Variants in ATL3 observed in about 807,000 individuals in gnomAD.
ATL3 encodes the protein atlastin-3.
ATL3 carries 49 observed loss-of-function variants against 69.5 expected under a neutral mutation model. The observed-to-expected ratio is 0.71, with a 90% CI of 0.56 to 0.89. The LOEUF is 0.89. ATL3 is among the 40% of genes least tolerant of loss of function. ATL3 has a pLI of 0.00. For missense variants in ATL3, 606 were observed against 645.7 expected (o/e 0.94, Z 0.67); for synonymous variants, 214 against 224.1 (o/e 0.95, Z 0.40).
At chr11:63,659,735 G>A (rs531442375) in intron 1 of ATL3, among the ~76,000 whole-genome samples, 1 of 152,090 alleles carries the variant, frequency 6.6e-6, no homozygotes, top group Non-Finnish European at 1.5e-5. Context: ...AGGAGTTCAA[G>A]ACCAGCCTGG....
intron 1 of ATL3, among the ~76,000 whole-genome samples, chr11:63,662,270 A>C (rs1290657624): frequency 6.6e-6 from 1 of 151,968 alleles, no homozygotes; most frequent in Non-Finnish European, 1.5e-5. Flanking sequence ...GTAGCTGTGG[A>C]CTTATGGGAA....
At position 63,638,597 on chromosome 11, in the gene ATL3, C is replaced by T. The variant is rs145964310; in HGVS notation, c.851-2263G>A. ...GCGCACTCCTGTAATCCCAGCTACTCGGGAGGATGTGGCACAAGAATCGCT... is the reference window on the plus strand; with the variant it reads ...GCGCACTCCTGTAATCCCAGCTACTTGGGAGGATGTGGCACAAGAATCGCT... On this transcript the variant is annotated intron_variant, in intron 8 of 12. Transcript: ENST00000398868. Among the ~76,000 whole-genome samples, 16 of 152,014 alleles carry T rather than the reference C, an allele frequency of 1.1e-4. No individual in the cohort carries two copies. The East Asian group carries it at 3.1e-3, about 29-fold the overall frequency.
chr11:63,638,946 T>C (rs1230039391), intron 8 of ATL3, among the ~76,000 whole-genome samples: 1 of 152,180 alleles, frequency 6.6e-6, no homozygotes, highest in Non-Finnish European at 1.5e-5. Flanking sequence ...GAAATTTAAA[T>C]GTTCTACAAA....
chr11:63,632,690 C>A, intron 11 of ATL3: 1 of 1,261,578 alleles, frequency 7.9e-7, no homozygotes, highest in Non-Finnish European at 1.2e-6. Flanking sequence ...TTTTATGTGC[C>A]AGCCTTAATG....
chr11:63,630,068 A>T (rs1328459759), intron 12 of ATL3, among the ~76,000 whole-genome samples: 1 of 152,010 alleles, frequency 6.6e-6, no homozygotes, highest in Non-Finnish European at 1.5e-5. Context: ...ATTAATCTAG[A>T]GGGGGTGAGA....
chr11:63,634,185 TA>T (rs146288332), intron 10 of ATL3, among the ~76,000 whole-genome samples: 14,591 of 113,540 alleles, frequency 0.13, 899 homozygotes, highest in Middle Eastern at 0.22. Context: ...TGTTTCTATT[TA>T]AAAAAAAAAA....
Position 63,629,149 on chromosome 11 carries a change from T to C in ATL3, c.*170A>G, listed in dbSNP as rs1371860183. 1.7e-6 allele frequency: 1 copy of C among 588,922 alleles called. No individual in the cohort carries two copies. The allele number at this position is 588,922 out of a possible 1,614,324, so 36.5% of individuals were successfully genotyped here. ...CCAAGAGAAATGGAAGTGTGTTTAA[T>C]AATTTGAAACCACAGGAGAGGTCTG... On this transcript the variant is annotated 3_prime_UTR_variant, in exon 13 of 13. Transcript: ENST00000398868.
chr11:63,655,996 G>A (rs370409846), intron 3 of ATL3, among the ~76,000 whole-genome samples: 4 of 151,598 alleles, frequency 2.6e-5, no homozygotes, highest in East Asian at 4.0e-4. Flanking sequence ...AGGCCAAGGC[G>A]GGCAGATCAC....
intron 10 of ATL3, 29 bp from the exon 11 acceptor site, chr11:63,633,126 AAT>A (rs1939381857): frequency 3.8e-6 from 6 of 1,584,728 alleles, no homozygotes; most frequent in Non-Finnish European, 5.2e-6. Flanking sequence ...GTGAACTGTA[AAT>A]CCTTCCTCTT....
Position 63,643,439 on chromosome 11 carries a change from A to C in ATL3, c.768T>G (p.Cys256Trp). The change falls in exon 8 of 13, where the codon TGT becomes TGG. Residue 256 changes from cysteine to tryptophan, a missense_variant. Coordinates refer to ENST00000398868, the MANE Select transcript of ATL3 (RefSeq NM_015459.5). ...IQNVRNHIHS[C>W]FSDVTCFLLP... Reference sequence around the variant, plus strand: ...AGAGAAAGCAGGTGACATCGGAGAAACATGAGTGAATGTGATTTCGAACAT... The same window carrying C: ...AGAGAAAGCAGGTGACATCGGAGAACCATGAGTGAATGTGATTTCGAACAT... 1 of 1,612,912 alleles carries C rather than the reference A, an allele frequency of 6.2e-7. No individual in the cohort carries two copies. Among genetic ancestry groups the C allele is most frequent in the Non-Finnish European group, 8.5e-7 (1 of 1,179,436 alleles).
At chr11:63,647,817 A>T (rs1939933985) in intron 5 of ATL3, among the ~76,000 whole-genome samples, 1 of 152,258 alleles carries the variant, frequency 6.6e-6, no homozygotes, top group African/African-American at 2.4e-5. Context: ...AGCCCTGTCA[A>T]AAACATTCTG....
At chr11:63,661,812 C>T (rs979825903) in intron 1 of ATL3, among the ~76,000 whole-genome samples, 3 of 151,666 alleles carry the variant, frequency 2.0e-5, no homozygotes, top group Non-Finnish European at 2.9e-5. Context: ...TCGCTTGAAC[C>T]CAGTAGGTGG....
chr11:63,632,225 C>T, intron 11 of ATL3: 1 of 676,656 alleles, frequency 1.5e-6, no homozygotes, highest in Admixed American at 2.0e-5. Flanking sequence ...TAGAACTATG[C>T]TTCGTGGTGC....
In ATL3 at chr11:63,659,269, A is replaced by G; in HGVS notation, c.47-17T>C. 6.2e-7 allele frequency: 1 copy of G among 1,600,458 alleles called. No individual in the cohort carries two copies. The highest frequency in any genetic ancestry group is 8.5e-7 in the Non-Finnish European group (1 of 1,169,780). Reference sequence around the variant, plus strand: ...TGGCATCATCTATGTTCATGCAGAGAAAAAAAATCAGTGTCAAATATTTAA... The same window carrying G: ...TGGCATCATCTATGTTCATGCAGAGGAAAAAAATCAGTGTCAAATATTTAA... On this transcript the variant is annotated splice_polypyrimidine_tract_variant and intron_variant, in intron 1 of 12. Transcript: ENST00000398868.
intron 1 of ATL3, among the ~76,000 whole-genome samples, chr11:63,664,741 G>A (rs1329595799): frequency 1.3e-5 from 2 of 150,846 alleles, no homozygotes; most frequent in African/African-American, 4.9e-5. Flanking sequence ...CCGAGCAGCT[G>A]GGACCACAGG....
chr11:63,647,296 C>T (rs1255659622), intron 5 of ATL3, among the ~76,000 whole-genome samples: 2 of 152,154 alleles, frequency 1.3e-5, no homozygotes, highest in Admixed American at 6.5e-5. Context: ...CGGGTTCAAG[C>T]GATTCTCCTG....
chr11:63,670,559 T>G, intron 1 of ATL3: 1 of 152,258 alleles, frequency 6.6e-6, no homozygotes, highest in Non-Finnish European at 1.5e-5. Flanking sequence ...GATCCGTGAA[T>G]ACACGGTGAC....
At chr11:63,652,029 C>T (rs756300796) in intron 4 of ATL3, 43 bp from the exon 5 acceptor site, 10 of 1,574,392 alleles carry the variant, frequency 6.4e-6, no homozygotes, top group Middle Eastern at 1.8e-4. Context: ...TGGCTTACTT[C>T]AAACAAATCC....
intron 5 of ATL3, among the ~76,000 whole-genome samples, chr11:63,648,238 C>T (rs1457819020): frequency 1.3e-5 from 2 of 152,198 alleles, no homozygotes; most frequent in African/African-American, 2.4e-5. Flanking sequence ...AGTGGGACTC[C>T]TTAGCCCTCT....
Sources: allele counts gnomAD v4.1 joint callset (sites outside exome capture counted in the v4.1 genomes callset), GRCh38; gene constraint gnomAD v4.1.1; transcripts MANE v1.5; gene names NCBI Gene and HGNC (gene_info 2026-07-23, HGNC 2026-07-21).